The following CDC42SE2 variants were observed in gnomAD, a reference collection of about 807,000 sequenced individuals.
CDC42SE2 encodes the protein CDC42 small effector 2.
In CDC42SE2, 3 loss-of-function variants were observed where a neutral mutation model predicts 11.5. The ratio of observed to expected loss-of-function variants is 0.26; its 90% CI spans 0.12 to 0.67. The LOEUF (loss-of-function observed/expected upper bound fraction) is 0.67. Among genes scored for constraint, CDC42SE2 ranks in the 30% least tolerant of loss-of-function variants. CDC42SE2 has a pLI of 0.80. For synonymous variants in CDC42SE2, 33 were observed against 34.8 expected (o/e 0.95, Z 0.18); for missense variants, 82 against 106.8 (o/e 0.77, Z 1.02).
chr5:131,328,045 G>A (rs1292024891), intron 2 of CDC42SE2, among the ~76,000 whole-genome samples: 1 of 152,160 alleles, frequency 6.6e-6, no homozygotes, highest in African/African-American at 2.4e-5. Context: ...TGAGTGAGAA[G>A]ATAGAACTCC....
chr5:131,265,484 A>T (rs765990079), intron 1 of CDC42SE2, among the ~76,000 whole-genome samples: 1 of 152,200 alleles, frequency 6.6e-6, no homozygotes, highest in Non-Finnish European at 1.5e-5. Flanking sequence ...CTAATATAAT[A>T]AAATGTCACC....
intron 3 of CDC42SE2, among the ~76,000 whole-genome samples, chr5:131,382,737 C>T (rs1183515678): frequency 6.6e-6 from 1 of 152,122 alleles, no homozygotes; most frequent in Non-Finnish European, 1.5e-5. Flanking sequence ...GGAACTGTGA[C>T]AAGAACCTAG....
the CDC42SE2 span, among the ~76,000 whole-genome samples, chr5:131,224,898 T>C: frequency 4.0e-5 from 6 of 149,768 alleles, no homozygotes; most frequent in Non-Finnish European, 8.9e-5. Flanking sequence ...CTGGGTAGAG[T>C]GAAGGCATCA....
At chr5:131,310,069 C>G (rs1252288929) in intron 1 of CDC42SE2, among the ~76,000 whole-genome samples, 1 of 152,004 alleles carries the variant, frequency 6.6e-6, no homozygotes, top group African/African-American at 2.4e-5. Flanking sequence ...TTCCTGCTTT[C>G]TGTTGTGGGC....
intron 1 of CDC42SE2, among the ~76,000 whole-genome samples, chr5:131,287,557 C>T (rs374223235): frequency 4.0e-5 from 6 of 151,152 alleles, no homozygotes; most frequent in South Asian, 4.2e-4. Flanking sequence ...CAACTTCCTG[C>T]GGTCAGGTGA....
intron 3 of CDC42SE2, among the ~76,000 whole-genome samples, chr5:131,384,575 CATT>C (rs1750419925): frequency 6.6e-6 from 1 of 152,096 alleles, no homozygotes; most frequent in Non-Finnish European, 1.5e-5. Flanking sequence ...CTCCCAATAA[CATT>C]ATCATATCTA....
chr5:131,220,560 A>G, the CDC42SE2 span, among the ~76,000 whole-genome samples: 2 of 152,324 alleles, frequency 1.3e-5, no homozygotes, highest in South Asian at 2.1e-4. Context: ...GCAGCATCAT[A>G]GTTAGCTAAG....
Position 131,292,920 on chromosome 5 carries a change from A to AAAC in CDC42SE2, c.-454-23054_-454-23053insCAA, listed in dbSNP as rs1554095939. ...AGACCCTGTCTCAAAAAAAAAAAAA[A>AAAC]AAAAAAAAAAAAAACAGAAACAAAC... On this transcript the variant is annotated intron_variant, in intron 1 of 4. Coordinates refer to ENST00000505065, the MANE Select transcript of CDC42SE2 (RefSeq NM_001375635.1). Among the ~76,000 whole-genome samples the AAAC allele has an allele frequency of 1.6e-4, 24 of 149,040 alleles. 2 individuals carry two copies. Among genetic ancestry groups the AAAC allele is most frequent in the African/African-American group, 5.7e-4 (23 of 40,024 alleles).
At chr5:131,281,148 C>T (rs890123225) in intron 1 of CDC42SE2, among the ~76,000 whole-genome samples, 5 of 152,078 alleles carry the variant, frequency 3.3e-5, no homozygotes, top group Non-Finnish European at 5.9e-5. Flanking sequence ...TAGAGTAGAC[C>T]GCTGATGTCT....
chr5:131,350,164 C>G (rs1057070377), intron 2 of CDC42SE2, among the ~76,000 whole-genome samples: 2 of 151,772 alleles, frequency 1.3e-5, no homozygotes, highest in African/African-American at 4.8e-5. Context: ...TTCTATGTAG[C>G]AAATGAGCAA....
intron 3 of CDC42SE2, among the ~76,000 whole-genome samples, chr5:131,381,410 G>A (rs887607693): frequency 1.1e-4 from 17 of 150,832 alleles, no homozygotes; most frequent in African/African-American, 4.1e-4. Flanking sequence ...TGCAACCTCC[G>A]CCTCCTGGGT....
At chr5:131,234,029 G>A in the CDC42SE2 span, among the ~76,000 whole-genome samples, 457 of 151,820 alleles carry the variant, frequency 3.0e-3, 2 homozygotes, top group African/African-American at 0.01. Flanking sequence ...AGGAAATCTG[G>A]CACTAGATTA....
chr5:131,236,587 C>G, the CDC42SE2 span, among the ~76,000 whole-genome samples: 1 of 152,046 alleles, frequency 6.6e-6, no homozygotes, highest in Non-Finnish European at 1.5e-5. Flanking sequence ...ACCATCAAGG[C>G]CAGCTAAGTT....
the CDC42SE2 span, among the ~76,000 whole-genome samples, chr5:131,224,990 T>C: frequency 6.6e-6 from 1 of 150,866 alleles, no homozygotes; most frequent in Non-Finnish European, 1.5e-5. Flanking sequence ...GAATGGGGGG[T>C]CCACATGAAG....
intron 1 of CDC42SE2, among the ~76,000 whole-genome samples, chr5:131,277,836 T>G (rs1757134891): frequency 6.6e-6 from 1 of 152,208 alleles, no homozygotes; most frequent in Non-Finnish European, 1.5e-5. Flanking sequence ...TTGTGAGTCC[T>G]TGAAATTATG....
chr5:131,372,095 T>C (rs1750027384), intron 3 of CDC42SE2, among the ~76,000 whole-genome samples: 1 of 152,198 alleles, frequency 6.6e-6, no homozygotes, highest in Non-Finnish European at 1.5e-5. Flanking sequence ...GATCTTAACA[T>C]GAACAAATAC....
At chr5:131,259,741 T>C (rs1485443882), upstream of CDC42SE2, among the ~76,000 whole-genome samples, 1 of 152,270 alleles carries the variant, frequency 6.6e-6, no homozygotes, top group Non-Finnish European at 1.5e-5. Context: ...AGATTCCTGA[T>C]AAATCAGGAA....
intron 2 of CDC42SE2, among the ~76,000 whole-genome samples, chr5:131,348,004 A>G (rs1413631071): frequency 1.3e-5 from 2 of 152,226 alleles, no homozygotes; most frequent in Non-Finnish European, 2.9e-5. Context: ...TCAAAATAAT[A>G]AGAGTTATCT....
chr5:131,359,665 G>T, intron 3 of CDC42SE2, 118 bp downstream of exon 3: 1 of 781,866 alleles, frequency 1.3e-6, no homozygotes, highest in Non-Finnish European at 2.3e-6. Context: ...GAATACCACA[G>T]AGAATAGTTC....
Sources: gnomAD v4.1 joint callset for allele counts (sites outside exome capture counted in the v4.1 genomes callset) on GRCh38, gnomAD v4.1.1 for gene constraint, MANE v1.5 for transcripts, NCBI Gene and HGNC (gene_info 2026-07-23, HGNC 2026-07-21) for gene names.